Variants in PCDHGB4 observed in about 807,000 individuals in gnomAD.
PCDHGB4 encodes protocadherin gamma subfamily B, 4, also known as protocadherin gamma-B4.
A neutral mutation model predicts 60.5 loss-of-function variants in PCDHGB4; 38 were observed. That is an observed-to-expected ratio of 0.63 (90% CI 0.48 to 0.82). The LOEUF (loss-of-function observed/expected upper bound fraction) is 0.82. Ranked by LOEUF, PCDHGB4 falls within the 40% of genes least tolerant of loss-of-function variation. The pLI is 0.00. For missense variants in PCDHGB4, 1,109 were observed against 1,209.6 expected (o/e 0.92, Z 1.23); for synonymous variants, 456 against 509.7 (o/e 0.89, Z 1.42).
intron 1 of PCDHGB4, chr5:141,399,174 T>G: frequency 1.2e-6 from 2 of 1,613,818 alleles, no homozygotes; most frequent in Non-Finnish European, 1.7e-6. Context: ...ATTCTCTACT[T>G]GAAATGATTC....
chr5:141,498,523 G>A (rs555386753), intron 2 of PCDHGB4, among the ~76,000 whole-genome samples: 1 of 151,580 alleles, frequency 6.6e-6, no homozygotes, highest in Admixed American at 6.6e-5. Context: ...CTTGCCCACT[G>A]CCCTCCAGCC....
chr5:141,455,860 A>ATTATTTATTTAT (rs145569377), intron 1 of PCDHGB4, among the ~76,000 whole-genome samples: 9 of 139,836 alleles, frequency 6.4e-5, no homozygotes, highest in African/African-American at 7.9e-5. Context: ...AATTTCTTTT[A>ATTATTTATTTAT]TTATTTATTT....
chr5:141,490,612 C>G lies in PCDHGB4; in HGVS notation c.2398-4195C>G, dbSNP rs1393568166. ...CAATGCACCCCGCTTCAACCAGCAG[C>G]TTTACACTGCTTACATCCTAGAAAA... On this transcript the variant is annotated intron_variant, in intron 1 of 3. Coordinates refer to ENST00000519479, the MANE Select transcript of PCDHGB4 (RefSeq NM_003736.4). This position sits in a 1 kb window ranked among gnomAD's most constrained non-coding sequence, Gnocchi z 5.4. The G allele has an allele frequency of 6.2e-7, 1 of 1,614,082 alleles. No homozygotes were observed. Among genetic ancestry groups the G allele is most frequent in the Non-Finnish European group, 8.5e-7 (1 of 1,180,032 alleles).
intron 1 of PCDHGB4, chr5:141,421,377 C>T (rs1168242339): frequency 1.9e-6 from 3 of 1,613,924 alleles, no homozygotes; most frequent in South Asian, 1.1e-5. Context: ...GCAATATCTC[C>T]AAGGACCTGG....
At position 141,493,512 on chromosome 5, in the gene PCDHGB4, C is replaced by A. The variant is rs1327850681; in HGVS notation, c.2398-1295C>A. The stretch of plus-strand genomic sequence containing the variant: ...CTGTGGCTCCTCATTTCTGAGCAGT[C>A]CCCGCAGCGCAAACTTGGCCAGTTA... On this transcript the variant is annotated intron_variant, in intron 1 of 3. Transcript: ENST00000519479. The surrounding 1 kb of genome is among the most constrained non-coding windows in gnomAD (Gnocchi z 4.3). Among the ~76,000 whole-genome samples the A allele has an allele frequency of 1.3e-5, 2 of 152,148 alleles. No individual in the cohort carries two copies. Among genetic ancestry groups the A allele is most frequent in the South Asian group, 4.1e-4 (2 of 4,824 alleles).
chr5:141,389,638 T>C lies in PCDHGB4; in HGVS notation c.1754T>C (p.Leu585Ser). 1 of 1,612,986 alleles carries C rather than the reference T, an allele frequency of 6.2e-7. No individual in the cohort carries two copies. The highest frequency in any genetic ancestry group is 8.5e-7 in the Non-Finnish European group (1 of 1,179,862). ...CCGCACGCTGCAGAGCCTGGCTACT[T>C]GGTGACCAAGGTAGTGGCGGTGGAC... ...MVPHAAEPGY[L>S]VTKVVAVDAD... The change falls in exon 1 of 4, where the codon TTG becomes TCG. Residue 585 changes from leucine to serine, a missense_variant. By Grantham distance (145) the Leu-to-Ser change is moderately radical. Coordinates refer to ENST00000519479, the MANE Select transcript of PCDHGB4 (RefSeq NM_003736.4).
rs755863653 is a variant in PCDHGB4 at position 141,422,228 on chromosome 5, TG to T, written c.2397+31948del. 2.3e-5 allele frequency: 36 copies of T among 1,565,448 alleles called. No individual in the cohort carries two copies. The Middle Eastern group carries it at 8.6e-4, about 37-fold the overall frequency. ...GGAGGTCTCTTTACCACCACGACGA[TG>T]TTGATCACTGTTGTGGATGTGAATG... On this transcript the variant is annotated intron_variant, in intron 1 of 3. Transcript: ENST00000519479.
chr5:141,438,152 G>A (rs184819165), intron 1 of PCDHGB4, among the ~76,000 whole-genome samples: 1 of 152,250 alleles, frequency 6.6e-6, no homozygotes, highest in African/African-American at 2.4e-5. Flanking sequence ...CCAGCCTATG[G>A]CAAAGCTAAT....
Position 141,404,868 on chromosome 5 carries a change from A to G in PCDHGB4, c.2397+14587A>G, listed in dbSNP as rs375122600. On this transcript the variant is annotated intron_variant, in intron 1 of 3. Coordinates refer to ENST00000519479, the MANE Select transcript of PCDHGB4 (RefSeq NM_003736.4). Reference sequence around the variant, plus strand: ...GCCCTGCTAGATAGAGATGCGCTCAAACAGAGCCTTGTGGTGGCTGTACAG... The same window carrying G: ...GCCCTGCTAGATAGAGATGCGCTCAGACAGAGCCTTGTGGTGGCTGTACAG... 5.1e-5 allele frequency: 83 copies of G among 1,613,770 alleles called. 1 individual carries two copies. The highest frequency in any genetic ancestry group is 6.9e-5 in the Non-Finnish European group (81 of 1,179,896).
rs2098293800 is a variant in PCDHGB4 at position 141,442,043 on chromosome 5, A to G, written c.2397+51762A>G. The G allele has an allele frequency of 1.9e-5, 4 of 205,506 alleles. No homozygotes were observed. In the South Asian group the frequency reaches 2.4e-4, roughly 12 times the overall value. The allele number at this position is 205,506 out of a possible 1,614,324, so 12.7% of individuals were successfully genotyped here. A position where few individuals can be genotyped will look rare whatever the true frequency, so the allele number is the denominator to read the frequency against. On this transcript the variant is annotated intron_variant, in intron 1 of 3. Transcript: ENST00000519479. ...ACAGGAAAGCGACTCGCCAGCGCCTACTGGTCGCGGTGCACTGCGGTGGAC... is the reference window on the plus strand; with the variant it reads ...ACAGGAAAGCGACTCGCCAGCGCCTGCTGGTCGCGGTGCACTGCGGTGGAC...
intron 1 of PCDHGB4, among the ~76,000 whole-genome samples, chr5:141,464,286 A>AT (rs1453289283): frequency 6.6e-6 from 1 of 151,420 alleles, no homozygotes; most frequent in African/African-American, 2.4e-5. Flanking sequence ...AAGCAAAAAA[A>AT]AAAACTCCAT....
At chr5:141,403,546 C>A (rs62378450) in intron 1 of PCDHGB4, 1 of 1,613,984 alleles carries the variant, frequency 6.2e-7, no homozygotes, top group South Asian at 1.1e-5. Flanking sequence ...TGCTGGAGCG[C>A]GCCCTGGACA....
At chr5:141,496,886 C>T (rs1562175671) in intron 2 of PCDHGB4, among the ~76,000 whole-genome samples, 1 of 135,246 alleles carries the variant, frequency 7.4e-6, no homozygotes, top group African/African-American at 2.9e-5. Context: ...ACAAGTAACA[C>T]TTAAAAAAAA....
Position 141,389,109 on chromosome 5 carries a change from G to A in PCDHGB4, c.1225G>A (p.Asp409Asn), listed in dbSNP as rs144915863. Residue 409 changes from aspartate to asparagine, a missense_variant, in exon 1 of 4, where the codon GAC becomes AAC. By Grantham distance (23) the Asp-to-Asn change is conservative. Around this residue, in one of 2 missense-constraint regions of PCDHGB4, gnomAD observed 1,068 missense variants for 1,089.9 expected, o/e 0.98. Transcript: ENST00000519479. ...TAAATTAGTGACAGATGCTGTTCTA[G>A]ACCGCGAGCAGAATCCAGAGTACAA... ...TYKLVTDAVLDREQNPEYNIT... is the reference protein window; with the variant it reads ...TYKLVTDAVLNREQNPEYNIT... 616 of 1,614,020 alleles carry A rather than the reference G, an allele frequency of 3.8e-4. 2 individuals are homozygous for A. The highest frequency in any genetic ancestry group is 1.2e-3 in the Middle Eastern group (7 of 6,062).
intron 3 of PCDHGB4, among the ~76,000 whole-genome samples, chr5:141,505,926 G>T (rs114056147): frequency 6.6e-6 from 1 of 152,146 alleles, no homozygotes; most frequent in African/African-American, 2.4e-5. Flanking sequence ...TGGGCCTGGC[G>T]CTTGGAAGCC....
At chr5:141,410,005 C>T (rs1009148964) in intron 1 of PCDHGB4, 16 of 1,613,172 alleles carry the variant, frequency 9.9e-6, no homozygotes, top group Non-Finnish European at 1.3e-5. Context: ...CGGGACACAA[C>T]GCCTGGCTGT....
intron 1 of PCDHGB4, among the ~76,000 whole-genome samples, chr5:141,455,808 A>G (rs2098832210): frequency 6.6e-6 from 1 of 152,050 alleles, no homozygotes; most frequent in Non-Finnish European, 1.5e-5. Flanking sequence ...TAAAAAATGA[A>G]AACTTCCCAA....
At chr5:141,495,419 C>A (rs1434107823) in intron 2 of PCDHGB4, among the ~76,000 whole-genome samples, 1 of 152,228 alleles carries the variant, frequency 6.6e-6, no homozygotes, top group Non-Finnish European at 1.5e-5. Context: ...CCGGCCCCTC[C>A]TCCCACTGTC....
At chr5:141,414,148 G>C in intron 1 of PCDHGB4, 7 of 1,598,900 alleles carry the variant, frequency 4.4e-6, no homozygotes, top group Non-Finnish European at 6.0e-6. Flanking sequence ...AGAAATACAA[G>C]CAGAAGATGG....
Sources: gnomAD v4.1 joint callset for allele counts (sites outside exome capture counted in the v4.1 genomes callset) on GRCh38, gnomAD v4.1.1 for gene constraint, gnomAD v4.1.1 regional missense constraint, Gnocchi (gnomAD v3.1) non-coding constraint, MANE v1.5 for transcripts, NCBI Gene and HGNC (gene_info 2026-07-23, HGNC 2026-07-21) for gene names.